Variants in DCP1B observed in about 807,000 individuals in gnomAD.
DCP1B encodes mRNA-decapping enzyme 1B.
In DCP1B, 47 loss-of-function variants were observed where a neutral mutation model predicts 60.5. The observed-to-expected ratio is 0.78, with a 90% confidence interval of 0.61 to 0.99. The LOEUF is 0.99. DCP1B is among the 50% of genes least tolerant of loss of function. The pLI is 0.00. For synonymous variants in DCP1B, 267 were observed against 280.3 expected (o/e 0.95, Z 0.47); for missense variants, 725 against 756.8 (o/e 0.96, Z 0.49).
chr12:1,996,051 A>G (rs904033570), intron 2 of DCP1B, among the ~76,000 whole-genome samples: 1 of 152,264 alleles, frequency 6.6e-6, no homozygotes, highest in East Asian at 1.9e-4. Context: ...AAATATTGTC[A>G]TTTTTAAAAT....
intron 1 of DCP1B, among the ~76,000 whole-genome samples, chr12:2,000,657 C>T (rs1372712122): frequency 2.6e-5 from 4 of 152,174 alleles, no homozygotes; most frequent in African/African-American, 9.7e-5. Flanking sequence ...TTTCAGTAAT[C>T]ACAACCTGGG....
chr12:1,955,160 G>T (rs1050001212), intron 6 of DCP1B, among the ~76,000 whole-genome samples: 3 of 152,206 alleles, frequency 2.0e-5, no homozygotes, highest in South Asian at 4.1e-4. Flanking sequence ...CTGGCTTGTT[G>T]TTTTTTAAAA....
intron 3 of DCP1B, among the ~76,000 whole-genome samples, chr12:1,976,304 C>G (rs2034344641): frequency 6.6e-6 from 1 of 152,148 alleles, no homozygotes; most frequent in African/African-American, 2.4e-5. Flanking sequence ...GTCGGAATGG[C>G]AAAGGAGACT....
intron 2 of DCP1B, among the ~76,000 whole-genome samples, chr12:1,997,535 GA>G (rs1324531524): frequency 1.3e-5 from 2 of 152,142 alleles, no homozygotes; most frequent in African/African-American, 4.8e-5. Flanking sequence ...TCAAAAAAAA[GA>G]AAAATGATCA....
intron 5 of DCP1B, among the ~76,000 whole-genome samples, chr12:1,964,899 C>T (rs1354997369): frequency 6.6e-6 from 1 of 152,156 alleles, no homozygotes; most frequent in African/African-American, 2.4e-5. Context: ...CACCTCCAAC[C>T]CCTACTAATA....
At chr12:1,992,837 CA>C in intron 3 of DCP1B, 1 of 373,772 alleles carries the variant, frequency 2.7e-6, no homozygotes, top group Non-Finnish European at 4.8e-6. Context: ...TACAGGCCCT[CA>C]AACACTTTGT....
chr12:1,950,907 A>G (rs2030643436), intron 7 of DCP1B, among the ~76,000 whole-genome samples: 1 of 152,164 alleles, frequency 6.6e-6, no homozygotes, highest in African/African-American at 2.4e-5. Context: ...CTTAACCTCC[A>G]AAGTGCTGGG....
intron 4 of DCP1B, chr12:1,966,180 T>C (rs994893656): frequency 6.6e-6 from 1 of 152,290 alleles, no homozygotes; most frequent in African/African-American, 2.4e-5. Flanking sequence ...AGTTCTGAAA[T>C]ACTGAGGAAA....
At chr12:1,998,833 G>A (rs180781127) in intron 1 of DCP1B, among the ~76,000 whole-genome samples, 1 of 152,116 alleles carries the variant, frequency 6.6e-6, no homozygotes, top group East Asian at 1.9e-4. Context: ...CAATTTACAT[G>A]GTTTAATTTC....
intron 8 of DCP1B, 24 bp from the exon 9 acceptor site, chr12:1,946,310 A>G (rs779903619): frequency 6.3e-7 from 1 of 1,577,040 alleles, no homozygotes; most frequent in South Asian, 1.2e-5. Flanking sequence ...CGAAAGACCC[A>G]AGAGAATGTT....
rs1437812379 is a variant in DCP1B at position 1,974,906 on chromosome 12, G to T, written c.320-6996C>A. Among the ~76,000 whole-genome samples the T allele has an allele frequency of 2.0e-5, 3 of 152,130 alleles. No individual in the cohort carries two copies. The East Asian group carries it at 5.8e-4, about 29-fold the overall frequency. On this transcript the variant is annotated intron_variant, in intron 3 of 8. Transcript: ENST00000280665. ...TATGCTTAAGCTTATTTTTAAAACA[G>T]AATATTTCTACAGGTCAAAAATTTG...
rs1275703141 is a variant in DCP1B, at chr12:1,971,814, T to C, written c.320-3904A>G. Among the ~76,000 whole-genome samples the C allele has an allele frequency of 6.6e-6, 1 of 152,268 alleles. No individual in the cohort carries two copies. Among genetic ancestry groups the C allele is most frequent in the Non-Finnish European group, 1.5e-5 (1 of 68,042 alleles). ...TTATGTTCCTAATAAATATTTCTGT[T>C]TGATCTGTTCTTTTAAGATATTTAT... On this transcript the variant is annotated intron_variant, in intron 3 of 8. Coordinates refer to ENST00000280665, the MANE Select transcript of DCP1B (RefSeq NM_152640.5). The surrounding 1 kb of genome is among the most constrained non-coding windows in gnomAD (Gnocchi z 4.2).
At chr12:1,967,466 C>T (rs948351468) in intron 4 of DCP1B, among the ~76,000 whole-genome samples, 5 of 152,216 alleles carry the variant, frequency 3.3e-5, no homozygotes, top group Non-Finnish European at 5.9e-5. Context: ...AAAGATTTTA[C>T]AGAATCGGGA....
At chr12:1,941,881 C>T (rs142268671), downstream of DCP1B, among the ~76,000 whole-genome samples, 14 of 152,308 alleles carry the variant, frequency 9.2e-5, no homozygotes, top group Non-Finnish European at 1.9e-4. Flanking sequence ...ACTGCATCAA[C>T]TAACGGGCAA....
At chr12:1,984,810 TTA>T (rs2037208484) in intron 3 of DCP1B, among the ~76,000 whole-genome samples, 1 of 151,598 alleles carries the variant, frequency 6.6e-6, no homozygotes. Flanking sequence ...AAGGTTCTTT[TTA>T]TGTTTCCTTT....
chr12:1,999,267 T>C (rs1256673472), intron 1 of DCP1B, among the ~76,000 whole-genome samples: 2 of 152,214 alleles, frequency 1.3e-5, no homozygotes, highest in East Asian at 1.9e-4. Flanking sequence ...TCTCTGCCCA[T>C]GAAATTATAT....
chr12:1,977,794 C>G (rs1297316939), intron 3 of DCP1B, among the ~76,000 whole-genome samples: 1 of 152,058 alleles, frequency 6.6e-6, no homozygotes, highest in East Asian at 1.9e-4. Flanking sequence ...TATGACTCAT[C>G]ATTGTTCTCT....
chr12:1,946,890 C>A (rs2030447867), intron 8 of DCP1B, among the ~76,000 whole-genome samples: 1 of 152,086 alleles, frequency 6.6e-6, no homozygotes, highest in Non-Finnish European at 1.5e-5. Flanking sequence ...AAGACAGGGT[C>A]TCACTATGTT....
At chr12:1,955,334 C>A in intron 6 of DCP1B, 98 bp downstream of exon 6, 1 of 1,371,412 alleles carries the variant, frequency 7.3e-7, no homozygotes, top group Non-Finnish European at 9.7e-7. Context: ...TGAAAGCATT[C>A]TTCAACAACA....
Sources: gnomAD v4.1 joint callset for allele counts (sites outside exome capture counted in the v4.1 genomes callset) on GRCh38, gnomAD v4.1.1 for gene constraint, Gnocchi (gnomAD v3.1) non-coding constraint, MANE v1.5 for transcripts, NCBI Gene and HGNC (gene_info 2026-07-23, HGNC 2026-07-21) for gene names.